Variants in CBFA2T2 observed in about 807,000 individuals in gnomAD.
The protein encoded by CBFA2T2 is protein CBFA2T2.
CBFA2T2 carries 11 observed loss-of-function variants against 62.2 expected under a neutral mutation model. The observed-to-expected ratio is 0.18, with a 90% CI of 0.11 to 0.29. The LOEUF is 0.29. CBFA2T2 is among the 10% of genes least tolerant of loss of function. CBFA2T2 has a pLI of 1.00. For missense variants in CBFA2T2, 592 were observed against 774.1 expected (o/e 0.76, Z 2.79); for synonymous variants, 295 against 287.5 (o/e 1.03, Z -0.27).
intron 1 of CBFA2T2, among the ~76,000 whole-genome samples, chr20:33,513,738 C>T (rs1361703891): frequency 2.9e-5 from 4 of 139,956 alleles, no homozygotes; most frequent in African/African-American, 7.8e-5. Context: ...CGCTTGAACC[C>T]GGGAGGAAGA....
chr20:33,559,602 T>C (rs1482331576), intron 1 of CBFA2T2, among the ~76,000 whole-genome samples: 8 of 152,156 alleles, frequency 5.3e-5, no homozygotes, highest in Admixed American at 3.9e-4. Context: ...TTCTCCTGGC[T>C]CAGCCTCCCA....
At chr20:33,548,249 T>A (rs1310748041) in intron 1 of CBFA2T2, among the ~76,000 whole-genome samples, 1 of 151,718 alleles carries the variant, frequency 6.6e-6, no homozygotes, top group Non-Finnish European at 1.5e-5. Context: ...ATTTTTATTT[T>A]TTTTATTTTT....
chr20:33,506,790 C>G (rs2011411186), intron 1 of CBFA2T2, among the ~76,000 whole-genome samples: 1 of 152,182 alleles, frequency 6.6e-6, no homozygotes, highest in Admixed American at 6.6e-5. Context: ...CCCAGAGCCA[C>G]TGAGCACTTA....
intron 3 of CBFA2T2, among the ~76,000 whole-genome samples, chr20:33,618,116 G>T (rs916440760): frequency 2.7e-5 from 4 of 150,520 alleles, no homozygotes; most frequent in Admixed American, 2.6e-4. Context: ...TAAGCATTCT[G>T]ATACATGACT....
intron 1 of CBFA2T2, among the ~76,000 whole-genome samples, chr20:33,548,416 G>A (rs1445651241): frequency 6.6e-6 from 1 of 151,528 alleles, no homozygotes; most frequent in Non-Finnish European, 1.5e-5. Flanking sequence ...GCTAATTTTT[G>A]TAATTTTAGT....
At chr20:33,497,971 T>C (rs1410307877) in intron 1 of CBFA2T2, among the ~76,000 whole-genome samples, 1 of 152,166 alleles carries the variant, frequency 6.6e-6, no homozygotes, top group African/African-American at 2.4e-5. Flanking sequence ...ATGTGAGCCA[T>C]TGAGTCCAGC....
intron 1 of CBFA2T2, among the ~76,000 whole-genome samples, chr20:33,580,727 C>T (rs1448348888): frequency 1.3e-5 from 2 of 152,074 alleles, no homozygotes; most frequent in Non-Finnish European, 2.9e-5. Flanking sequence ...TGGTATGTGC[C>T]TGTAGTCCCA....
At chr20:33,589,434 T>A (rs1449685009) in intron 1 of CBFA2T2, among the ~76,000 whole-genome samples, 1 of 152,232 alleles carries the variant, frequency 6.6e-6, no homozygotes, top group Non-Finnish European at 1.5e-5. Flanking sequence ...TACCTTTATT[T>A]TGTTTACTTT....
chr20:33,492,058 A>G (rs1600890684), intron 1 of CBFA2T2, among the ~76,000 whole-genome samples: 2 of 151,682 alleles, frequency 1.3e-5, no homozygotes, highest in East Asian at 1.9e-4. Flanking sequence ...AATTTTTTGC[A>G]TTTTTAGTAG....
chr20:33,495,574 C>T (rs1430575619), intron 1 of CBFA2T2, among the ~76,000 whole-genome samples: 2 of 151,090 alleles, frequency 1.3e-5, no homozygotes, highest in African/African-American at 2.4e-5. Context: ...TTCCTGTAGT[C>T]CCAGCTACTT....
intron 1 of CBFA2T2, among the ~76,000 whole-genome samples, chr20:33,538,455 T>G (rs544995287): frequency 3.4e-4 from 51 of 152,170 alleles, no homozygotes; most frequent in Middle Eastern, 3.4e-3. Context: ...CACTGCAACC[T>G]CTGCATCCTG....
rs1451318939 is a variant in CBFA2T2, at chr20:33,562,421, C to T, written c.35-44535C>T. 6 of 985,798 alleles carry T rather than the reference C, an allele frequency of 6.1e-6. No homozygotes were observed. The Admixed American group carries it at 3.1e-4, about 51-fold the overall frequency. The allele number at this position is 985,798 out of a possible 1,614,324, so 61.1% of individuals were successfully genotyped here. ...CTGGGGATTCTGGCAAGGTGAAGAG[C>T]TGGTCTGTTTGGCAGGACCTTCCCA... On this transcript the variant is annotated intron_variant, in intron 1 of 10. Coordinates refer to ENST00000342704, the MANE Select transcript of CBFA2T2 (RefSeq NM_001032999.3).
chr20:33,562,291 TAGTGACATC>T (rs2013113793), intron 1 of CBFA2T2: 1 of 694,982 alleles, frequency 1.4e-6, no homozygotes, highest in Admixed American at 6.3e-5. Context: ...GGTGTGTACT[TAGTGACATC>T]AGCTGGCAAA....
chr20:33,623,685 G>T (rs1279104222), intron 5 of CBFA2T2: 1 of 651,346 alleles, frequency 1.5e-6, no homozygotes, highest in African/African-American at 1.8e-5. Context: ...ACCTCCCAAA[G>T]TGCTGGGATT....
intron 1 of CBFA2T2, among the ~76,000 whole-genome samples, chr20:33,513,338 G>A (rs1192438901): frequency 6.6e-6 from 1 of 151,290 alleles, no homozygotes; most frequent in African/African-American, 2.4e-5. Context: ...TTCATAGACC[G>A]TAATGGGTTT....
chr20:33,536,437 C>A (rs1241700990), intron 1 of CBFA2T2, among the ~76,000 whole-genome samples: 5 of 149,138 alleles, frequency 3.4e-5, no homozygotes, highest in Admixed American at 3.3e-4. Context: ...CTGACCCCCC[C>A]ACCTCCCTCC....
chr20:33,571,366 A>T (rs376618047), intron 1 of CBFA2T2, among the ~76,000 whole-genome samples: 1 of 152,234 alleles, frequency 6.6e-6, no homozygotes, highest in South Asian at 2.1e-4. Context: ...AAGTGAAAAT[A>T]GTGGGTGAGT....
At chr20:33,557,884 A>G (rs1397488388) in intron 1 of CBFA2T2, among the ~76,000 whole-genome samples, 1 of 151,298 alleles carries the variant, frequency 6.6e-6, no homozygotes, top group African/African-American at 2.4e-5. Context: ...CGCCCAAGCT[A>G]AAGTGCAGTG....
chr20:33,554,921 A>C (rs2146887787), intron 1 of CBFA2T2, among the ~76,000 whole-genome samples: 1 of 152,324 alleles, frequency 6.6e-6, no homozygotes, highest in Non-Finnish European at 1.5e-5. Context: ...AAGAAAAAAT[A>C]ACAACTTAAA....
Sources: gnomAD v4.1 joint callset for allele counts (sites outside exome capture counted in the v4.1 genomes callset) on GRCh38, gnomAD v4.1.1 for gene constraint, MANE v1.5 for transcripts, NCBI Gene and HGNC (gene_info 2026-07-23, HGNC 2026-07-21) for gene names.